HAGH: variants seen among roughly 807,000 people sequenced by gnomAD.
The protein encoded by HAGH is hydroxyacylglutathione hydrolase, mitochondrial.
In HAGH, 29 loss-of-function variants were observed where a neutral mutation model predicts 35.1. The observed-to-expected ratio is 0.83, with a 90% CI of 0.62 to 1.13. The LOEUF is 1.13. Ranked by LOEUF, HAGH falls within the 50% of genes most tolerant of loss-of-function variation. The pLI, the probability that HAGH is intolerant of heterozygous loss-of-function variation, is 0.00. For missense variants in HAGH, 478 were observed against 419.6 expected (o/e 1.14, Z -1.22); for synonymous variants, 225 against 176.1 (o/e 1.28, Z -2.20).
At chr16:1,813,087 C>T (rs1897737509) in intron 7 of HAGH, among the ~76,000 whole-genome samples, 1 of 152,238 alleles carries the variant, frequency 6.6e-6, no homozygotes, top group Non-Finnish European at 1.5e-5. Context: ...CCTCCAAACG[C>T]ATGCTCAAAT....
intron 7 of HAGH, chr16:1,812,526 A>ACAAAAT (rs1897704800): frequency 6.6e-6 from 1 of 151,312 alleles, no homozygotes; most frequent in Non-Finnish European, 1.5e-5. Context: ...AAAACAAAAA[A>ACAAAAT]AAAACACACA....
chr16:1,818,035 G>A (rs1897985965), intron 5 of HAGH, among the ~76,000 whole-genome samples: 1 of 152,248 alleles, frequency 6.6e-6, no homozygotes, highest in African/African-American at 2.4e-5. Context: ...GGAATGGACG[G>A]TGGGGAGCCT....
intron 5 of HAGH, among the ~76,000 whole-genome samples, chr16:1,817,956 G>A (rs1008844439): frequency 9.9e-5 from 15 of 151,280 alleles, no homozygotes; most frequent in Admixed American, 9.2e-4. Flanking sequence ...CTCACCACCT[G>A]GGGCAGAGAA....
Position 1,819,099 on chromosome 16 carries a change from A to G in HAGH, c.541+16T>C. ...TCACGAAGAACCCCCGCCCCCACCC[A>G]CACTCGAACACGCACCTGTGAACAC... On this transcript the variant is annotated intron_variant, in intron 5 of 8. Transcript: ENST00000397356. The G allele has an allele frequency of 6.6e-7, 1 of 1,521,660 alleles. No homozygotes were observed. The highest frequency in any genetic ancestry group is 1.4e-5 in the African/African-American group (1 of 73,284). 94.3% of individuals were successfully genotyped at this position (1,521,660 alleles called of 1,614,324 possible). A position where few individuals can be genotyped will look rare whatever the true frequency, so the allele number is the denominator to read the frequency against.
At chr16:1,820,371 C>A (rs1898103243) in intron 3 of HAGH, among the ~76,000 whole-genome samples, 1 of 151,978 alleles carries the variant, frequency 6.6e-6, no homozygotes, top group Non-Finnish European at 1.5e-5. Context: ...ATTTCTTGTC[C>A]TGGTGCAGTG....
chr16:1,827,041 T>C (rs2142059696), upstream of HAGH: 2 of 797,138 alleles, frequency 2.5e-6, no homozygotes, highest in Middle Eastern at 3.9e-4. Context: ...GCCGCGAGCC[T>C]CCGCCTCTTT....
At chr16:1,826,155 C>T (rs1201831829) in intron 1 of HAGH, among the ~76,000 whole-genome samples, 2 of 152,174 alleles carry the variant, frequency 1.3e-5, no homozygotes, top group Non-Finnish European at 2.9e-5. Context: ...CCTGTCTGCG[C>T]CTCCGCCCGC....
chr16:1,818,829 GGA>G, intron 5 of HAGH: 1 of 429,722 alleles, frequency 2.3e-6, no homozygotes, highest in Non-Finnish European at 4.3e-6. Flanking sequence ...TCGCCCTGCT[GGA>G]AGAAACTGAC....
intron 3 of HAGH, 74 bp downstream of exon 3, chr16:1,822,226 C>T: frequency 1.1e-6 from 1 of 908,544 alleles, no homozygotes; most frequent in South Asian, 1.4e-5. Context: ...GGGAGACAGG[C>T]CTTGATGTCC....
At chr16:1,823,413 G>A (rs1367379604) in intron 1 of HAGH, among the ~76,000 whole-genome samples, 2 of 151,718 alleles carry the variant, frequency 1.3e-5, no homozygotes, top group African/African-American at 2.4e-5. Flanking sequence ...GACTACAGAC[G>A]CCCGCCACCA....
chr16:1,825,830 T>C (rs2142055803), intron 1 of HAGH, among the ~76,000 whole-genome samples: 1 of 152,330 alleles, frequency 6.6e-6, no homozygotes, highest in African/African-American at 2.4e-5. Context: ...CGCCTCGGCC[T>C]CCCAAAGTGC....
At chr16:1,812,390 G>C (rs934795454) in intron 7 of HAGH, 1 of 150,354 alleles carries the variant, frequency 6.7e-6, no homozygotes, top group African/African-American at 2.5e-5. Context: ...TGTAGTCCCA[G>C]CTACTTGGGA....
In HAGH at chr16:1,816,780, G is replaced by C. The variant is rs1596922969; in HGVS notation, c.747+113C>G. 67 of 705,912 alleles carry C rather than the reference G, an allele frequency of 9.5e-5. No individual in the cohort carries two copies. In the East Asian group the frequency reaches 1.8e-3, roughly 19 times the overall value. 43.7% of individuals were successfully genotyped at this position (705,912 alleles called of 1,614,324 possible). On this transcript the variant is annotated intron_variant, in intron 7 of 8. Coordinates refer to ENST00000397356, the MANE Select transcript of HAGH (RefSeq NM_005326.6). Reference sequence around the variant, plus strand: ...CTGGGCCACACTGGCCTGAATCCCAGGCCTGCTCTCTGGGCTCAGAGTGTG... The same window carrying C: ...CTGGGCCACACTGGCCTGAATCCCACGCCTGCTCTCTGGGCTCAGAGTGTG...
At chr16:1,823,429 G>A (rs979650783) in intron 1 of HAGH, among the ~76,000 whole-genome samples, 6 of 151,382 alleles carry the variant, frequency 4.0e-5, no homozygotes, top group South Asian at 2.1e-4. Flanking sequence ...CACCATACCC[G>A]GCTAATTTTT....
intron 3 of HAGH, among the ~76,000 whole-genome samples, chr16:1,821,034 G>C (rs1426093938): frequency 6.6e-6 from 1 of 152,176 alleles, no homozygotes; most frequent in African/African-American, 2.4e-5. Flanking sequence ...TGATGTGCCA[G>C]GCAGCCACAC....
intron 5 of HAGH, among the ~76,000 whole-genome samples, chr16:1,817,611 G>C (rs1897963949): frequency 1.3e-5 from 2 of 152,184 alleles, no homozygotes; most frequent in Non-Finnish European, 2.9e-5. Flanking sequence ...CCCATGCCTG[G>C]CTCCCATCTT....
In HAGH at chr16:1,821,906, A is replaced by C. The variant is rs1481423966; in HGVS notation, c.314+394T>G. On this transcript the variant is annotated intron_variant, in intron 3 of 8. Coordinates refer to ENST00000397356, the MANE Select transcript of HAGH (RefSeq NM_005326.6). ...CTCCCAAAGTGCTGGGATTATAGGC[A>C]TGAGCCACCGTGCCCGGCTGGCTGC... 3.0e-5 allele frequency: 5 copies of C among 167,878 alleles called. No individual in the cohort carries two copies. In the Admixed American group the frequency reaches 3.0e-4, roughly 10 times the overall value. The allele number at this position is 167,878 out of a possible 1,614,324, so 10.4% of individuals were successfully genotyped here.
At chr16:1,816,676 G>A (rs1172603964) in intron 7 of HAGH, among the ~76,000 whole-genome samples, 2 of 152,214 alleles carry the variant, frequency 1.3e-5, no homozygotes, top group South Asian at 2.1e-4. Flanking sequence ...TTTTACACAC[G>A]CAGCGTCTGA....
In HAGH at chr16:1,813,196, A is replaced by G. The variant is rs531756709; in HGVS notation, c.748-3363T>C. On this transcript the variant is annotated intron_variant, in intron 7 of 8. Transcript: ENST00000397356. ...GTGCGAGTTTTTGCTGTTAGTTCCC[A>G]CAGGATCTGGTTGTTTAAAAGAAAC... Among the ~76,000 whole-genome samples the G allele has an allele frequency of 2.6e-5, 4 of 152,276 alleles. No individual in the cohort carries two copies. The East Asian group carries it at 7.7e-4, about 29-fold the overall frequency.
Sources: allele counts gnomAD v4.1 joint callset (sites outside exome capture counted in the v4.1 genomes callset), GRCh38; gene constraint gnomAD v4.1.1; transcripts MANE v1.5; gene names NCBI Gene and HGNC (gene_info 2026-07-23, HGNC 2026-07-21).